The following TUT7 variants were observed in gnomAD, a reference collection of about 807,000 sequenced individuals.
TUT7 encodes the protein terminal uridylyltransferase 7.
A neutral mutation model predicts 165.9 loss-of-function variants in TUT7; 33 were observed. The observed-to-expected ratio is 0.20, with a 90% CI of 0.15 to 0.27. The LOEUF (loss-of-function observed/expected upper bound fraction) is 0.27. Among genes scored for constraint, TUT7 ranks in the 10% least tolerant of loss-of-function variants. TUT7 has a pLI of 1.00. For missense variants in TUT7, 1,338 were observed against 1,762.3 expected, an observed-to-expected ratio of 0.76 and a Z score of 4.31; for synonymous variants, 552 against 608.1, an observed-to-expected ratio of 0.91 and a Z score of 1.36.
chr9:86,328,635 T>C (rs958572704), intron 10 of TUT7, 143 bp from the exon 11 acceptor site: 1 of 552,518 alleles, frequency 1.8e-6, no homozygotes, highest in Non-Finnish European at 2.8e-6. Context: ...GAGACATCTA[T>C]ACATTTAAAA....
chr9:86,353,895 G>C (rs1479682516), intron 1 of TUT7, among the ~76,000 whole-genome samples: 1 of 152,154 alleles, frequency 6.6e-6, no homozygotes, highest in Non-Finnish European at 1.5e-5. Flanking sequence ...GTTTTGTCAG[G>C]AACAGCAATT....
At chr9:86,316,885 C>A (rs1463526229) in intron 17 of TUT7, among the ~76,000 whole-genome samples, 1 of 151,034 alleles carries the variant, frequency 6.6e-6, no homozygotes, top group Non-Finnish European at 1.5e-5. Flanking sequence ...AAAAAAGCAA[C>A]TAATAAAAAA....
At chr9:86,339,222 G>A (rs1831108761) in intron 8 of TUT7, among the ~76,000 whole-genome samples, 1 of 152,044 alleles carries the variant, frequency 6.6e-6, no homozygotes, top group African/African-American at 2.4e-5. Flanking sequence ...ATGCAAATAA[G>A]GAAAATATTA....
intron 6 of TUT7, among the ~76,000 whole-genome samples, chr9:86,342,280 T>G (rs2131576094): frequency 6.6e-6 from 1 of 152,274 alleles, no homozygotes; most frequent in African/African-American, 2.4e-5. Flanking sequence ...GTGAAGCCAC[T>G]GCACCCAGCT....
chr9:86,354,009 C>T (rs1459897112), intron 1 of TUT7, among the ~76,000 whole-genome samples: 1 of 152,216 alleles, frequency 6.6e-6, no homozygotes. Context: ...GAGGAGGCGT[C>T]CCTGCACTCC....
intron 26 of TUT7, among the ~76,000 whole-genome samples, chr9:86,294,942 A>C (rs1245079120): frequency 6.6e-6 from 1 of 151,870 alleles, no homozygotes; most frequent in Non-Finnish European, 1.5e-5. Context: ...AATTGTGAAA[A>C]CTCAATATAG....
chr9:86,326,614 T>G (rs1829816892), intron 11 of TUT7: 1 of 154,420 alleles, frequency 6.5e-6, no homozygotes, highest in Non-Finnish European at 1.5e-5. Flanking sequence ...AATCCATATA[T>G]CACTGAAACA....
chr9:86,297,194 G>C (rs565168278), intron 26 of TUT7, among the ~76,000 whole-genome samples: 5 of 152,290 alleles, frequency 3.3e-5, no homozygotes, highest in African/African-American at 1.2e-4. Context: ...GCTGGCACTG[G>C]AAGACTTGGT....
At chr9:86,329,136 GA>G (rs1830076575) in intron 10 of TUT7, among the ~76,000 whole-genome samples, 1 of 152,194 alleles carries the variant, frequency 6.6e-6, no homozygotes, top group Admixed American at 6.5e-5. Context: ...TAATGCAAAA[GA>G]AAATGGTCTA....
In TUT7 at chr9:86,309,205, T is replaced by C; in HGVS notation, c.3660+7A>G. Reference sequence around the variant, plus strand: ...TATAGGAAAATCTTTACTCTTAAAATACGTACCAGTTCATCTATTTGATCA... The same window carrying C: ...TATAGGAAAATCTTTACTCTTAAAACACGTACCAGTTCATCTATTTGATCA... On this transcript the variant is annotated splice_region_variant and intron_variant, in intron 21 of 26. Coordinates refer to ENST00000375963, the MANE Select transcript of TUT7 (RefSeq NM_024617.4). 2 of 1,543,938 alleles carry C rather than the reference T, an allele frequency of 1.3e-6. No individual in the cohort carries two copies. The highest frequency in any genetic ancestry group is 1.8e-6 in the Non-Finnish European group (2 of 1,121,396).
chr9:86,305,545 T>C (rs1457495059), intron 22 of TUT7, among the ~76,000 whole-genome samples: 1 of 152,092 alleles, frequency 6.6e-6, no homozygotes, highest in Non-Finnish European at 1.5e-5. Context: ...AAGCTCTTTA[T>C]GTTATGACTG....
Position 86,288,638 on chromosome 9 carries a change from C to G in TUT7, c.*39G>C. ...ACCTAATTTTCCGAGTGAATAGGAACGCCTGAGTGGCCATTTAGAGTGCTG... is the reference window on the plus strand; with the variant it reads ...ACCTAATTTTCCGAGTGAATAGGAAGGCCTGAGTGGCCATTTAGAGTGCTG... On this transcript the variant is annotated 3_prime_UTR_variant, in exon 27 of 27. Coordinates refer to ENST00000375963, the MANE Select transcript of TUT7 (RefSeq NM_024617.4). The G allele has an allele frequency of 1.3e-6, 2 of 1,539,230 alleles. No individual in the cohort carries two copies. Among genetic ancestry groups the G allele is most frequent in the East Asian group, 4.5e-5 (2 of 44,464 alleles).
At chr9:86,324,001 A>T in intron 12 of TUT7, 41 bp from the exon 13 acceptor site, 1 of 1,389,388 alleles carries the variant, frequency 7.2e-7, no homozygotes, top group Non-Finnish European at 9.5e-7. Flanking sequence ...CCATCTCTTC[A>T]TATGTTACTA....
rs551886556 is a variant in TUT7, at chr9:86,341,931, G to A, written c.1087-878C>T. Among the ~76,000 whole-genome samples the A allele has an allele frequency of 2.0e-5, 3 of 152,184 alleles. No homozygotes were observed. The East Asian group carries it at 5.8e-4, about 29-fold the overall frequency. On this transcript the variant is annotated intron_variant, in intron 6 of 26. Coordinates refer to ENST00000375963, the MANE Select transcript of TUT7 (RefSeq NM_024617.4). Reference sequence around the variant, plus strand: ...TTTACTAGATGAGTTCCATAAAGAGGAACCATCTCTGTTTTGTCCTTTATA... The same window carrying A: ...TTTACTAGATGAGTTCCATAAAGAGAAACCATCTCTGTTTTGTCCTTTATA...
chr9:86,351,296 T>A, intron 2 of TUT7, among the ~76,000 whole-genome samples: 1 of 151,866 alleles, frequency 6.6e-6, no homozygotes. Flanking sequence ...ATTAGCCTGA[T>A]GTGGTGGCAT....
At chr9:86,342,376 T>C (rs1005818308) in intron 6 of TUT7, among the ~76,000 whole-genome samples, 2 of 152,046 alleles carry the variant, frequency 1.3e-5, no homozygotes, top group Non-Finnish European at 2.9e-5. Flanking sequence ...AGCAGAGAAA[T>C]GGATAATCTA....
intron 14 of TUT7, among the ~76,000 whole-genome samples, chr9:86,321,208 T>A (rs1829258581): frequency 6.8e-6 from 1 of 148,030 alleles, no homozygotes. Flanking sequence ...AAAAAAAAAA[T>A]TAGCTGGACA....
chr9:86,310,662 G>A (rs1430129503), intron 18 of TUT7, 44 bp downstream of exon 18: 1 of 1,063,000 alleles, frequency 9.4e-7, no homozygotes, highest in Admixed American at 1.9e-5. Context: ...TGAGACATTT[G>A]TTCCCTTAAC....
chr9:86,303,402 T>C (rs1161840645), intron 24 of TUT7, among the ~76,000 whole-genome samples: 1 of 152,250 alleles, frequency 6.6e-6, no homozygotes, highest in Admixed American at 6.5e-5. Context: ...AAATCCATTT[T>C]TGTTTATTCC....
Sources: gnomAD v4.1 joint callset for allele counts (sites outside exome capture counted in the v4.1 genomes callset) on GRCh38, gnomAD v4.1.1 for gene constraint, MANE v1.5 for transcripts, NCBI Gene and HGNC (gene_info 2026-07-23, HGNC 2026-07-21) for gene names.